SDK1: variants seen among roughly 807,000 people sequenced by gnomAD.
SDK1 encodes sidekick cell adhesion molecule 1.
A neutral mutation model predicts 245.5 loss-of-function variants in SDK1; 157 were observed. The ratio of observed to expected loss-of-function variants is 0.64; its 90% CI spans 0.56 to 0.73. The LOEUF is 0.73. SDK1 is among the 30% of genes least tolerant of loss of function. The pLI is 0.00. For missense variants in SDK1, 3,583 were observed against 3,002.3 expected, an observed-to-expected ratio of 1.19 and a Z score of -4.52; for synonymous variants, 1,647 against 1,278.5, an observed-to-expected ratio of 1.29 and a Z score of -6.15.
intron 4 of SDK1, among the ~76,000 whole-genome samples, chr7:3,662,254 A>G (rs1209768876): frequency 2.0e-5 from 3 of 152,158 alleles, no homozygotes; most frequent in Admixed American, 2.0e-4. Flanking sequence ...AAAAGTTGTA[A>G]CTAAGTTATG....
At chr7:3,303,575 G>A (rs1779338456) in intron 1 of SDK1, among the ~76,000 whole-genome samples, 1 of 57,952 alleles carries the variant, frequency 1.7e-5, no homozygotes, top group South Asian at 7.3e-4. Flanking sequence ...ACCGAACTTT[G>A]TTAGGAATAT....
chr7:4,008,225 CCTTT>C (rs1244555329), intron 14 of SDK1, among the ~76,000 whole-genome samples: 2 of 152,234 alleles, frequency 1.3e-5, no homozygotes, highest in Admixed American at 1.3e-4. Flanking sequence ...TAATTTCCTT[CCTTT>C]AAGAAGCTGA....
rs115525207 is a variant in SDK1, at chr7:4,228,239, G to A, written c.5828-5016G>A. On this transcript the variant is annotated intron_variant, in intron 40 of 44. Coordinates refer to ENST00000404826, the MANE Select transcript of SDK1 (RefSeq NM_152744.4). ...TCAGTGGCTTCCCACTTTCTTAGTG[G>A]TATTTCTCCAATGGCGTTTCAGTAA... Among the ~76,000 whole-genome samples the A allele has an allele frequency of 6.9e-3, 1,043 of 152,260 alleles. 10 individuals carry two copies. Among genetic ancestry groups the A allele is most frequent in the African/African-American group, 0.024 (988 of 41,546 alleles).
intron 5 of SDK1, among the ~76,000 whole-genome samples, chr7:3,834,605 G>A (rs6980085): frequency 0.31 from 47,858 of 152,074 alleles, 9,913 homozygotes; most frequent in African/African-American, 0.59. Flanking sequence ...CATAACCACC[G>A]TCCTTTCATT....
At chr7:3,390,189 G>T (rs1274004074) in intron 1 of SDK1, among the ~76,000 whole-genome samples, 1 of 152,158 alleles carries the variant, frequency 6.6e-6, no homozygotes, top group Admixed American at 6.5e-5. Flanking sequence ...ACTGTGGTCT[G>T]CAGCTTCAGC....
chr7:3,366,291 C>T (rs575058950), intron 1 of SDK1, among the ~76,000 whole-genome samples: 25 of 152,008 alleles, frequency 1.6e-4, no homozygotes, highest in African/African-American at 5.8e-4. Flanking sequence ...AAAGAAAGTA[C>T]TTGCTTTTTC....
intron 44 of SDK1, among the ~76,000 whole-genome samples, chr7:4,249,200 T>C (rs1156630407): frequency 1.3e-5 from 2 of 152,188 alleles, no homozygotes; most frequent in Non-Finnish European, 1.5e-5. Flanking sequence ...GTTATCATCC[T>C]TATGTAACAG....
intron 14 of SDK1, among the ~76,000 whole-genome samples, chr7:3,989,647 C>G (rs1337039558): frequency 6.6e-6 from 1 of 152,172 alleles, no homozygotes; most frequent in Non-Finnish European, 1.5e-5. Flanking sequence ...CCCTGAAACC[C>G]AGCTCCCCGT....
chr7:3,398,865 C>T (rs902291982), intron 1 of SDK1, among the ~76,000 whole-genome samples: 8 of 151,086 alleles, frequency 5.3e-5, no homozygotes, highest in Non-Finnish European at 1.0e-4. Context: ...CCTCTAGTAG[C>T]GCTCCTCCTA....
At chr7:3,818,719 A>G (rs948376491) in intron 4 of SDK1, among the ~76,000 whole-genome samples, 2 of 152,230 alleles carry the variant, frequency 1.3e-5, no homozygotes, top group African/African-American at 4.8e-5. Flanking sequence ...AGGCTGCTGG[A>G]TGGTTGGTTC....
At chr7:3,955,123 G>A (rs1364833497) in intron 7 of SDK1, among the ~76,000 whole-genome samples, 7 of 152,188 alleles carry the variant, frequency 4.6e-5, no homozygotes, top group African/African-American at 9.7e-5. Flanking sequence ...TGCTGAGCAC[G>A]ATGGCTCGGA....
chr7:4,015,801 C>T (rs971133395), intron 16 of SDK1, among the ~76,000 whole-genome samples: 1 of 152,214 alleles, frequency 6.6e-6, no homozygotes, highest in Non-Finnish European at 1.5e-5. Context: ...CAGAAGGAGG[C>T]CCGGTACCTT....
intron 25 of SDK1, among the ~76,000 whole-genome samples, chr7:4,121,098 G>GT (rs550593628): frequency 9.9e-5 from 15 of 151,208 alleles, no homozygotes; most frequent in East Asian, 1.9e-4. Context: ...TTCTGACTTT[G>GT]TTTTTTTTCA....
At chr7:3,411,319 T>C (rs1443217793) in intron 1 of SDK1, among the ~76,000 whole-genome samples, 5 of 152,172 alleles carry the variant, frequency 3.3e-5, no homozygotes, top group Non-Finnish European at 7.3e-5. Flanking sequence ...AAAAGGCAGT[T>C]GGAGTCACAT....
At position 4,268,454 on chromosome 7, in the gene SDK1, A is replaced by G. The variant is rs1056506702; in HGVS notation, c.*3070A>G. Reference sequence around the variant, plus strand: ...AGCCTCTCTCCCAGCCTGCTTTTATAAGGCGCACTTCACTCAATGCTGTAG... The same window carrying G: ...AGCCTCTCTCCCAGCCTGCTTTTATGAGGCGCACTTCACTCAATGCTGTAG... On this transcript the variant is annotated 3_prime_UTR_variant, in exon 45 of 45. Coordinates refer to ENST00000404826, the MANE Select transcript of SDK1 (RefSeq NM_152744.4). 2 of 1,131,158 alleles carry G rather than the reference A, an allele frequency of 1.8e-6. No homozygotes were observed. The highest frequency in any genetic ancestry group is 1.9e-5 in the South Asian group (1 of 53,602). 70.1% of individuals were successfully genotyped at this position (1,131,158 alleles called of 1,614,324 possible).
At chr7:3,526,925 T>C (rs1400195890) in intron 1 of SDK1, among the ~76,000 whole-genome samples, 2 of 152,204 alleles carry the variant, frequency 1.3e-5, no homozygotes, top group African/African-American at 4.8e-5. Flanking sequence ...AGACACTCTC[T>C]GCTTACCTTT....
At chr7:3,954,876 A>G (rs1393681475) in intron 7 of SDK1, among the ~76,000 whole-genome samples, 1 of 151,882 alleles carries the variant, frequency 6.6e-6, no homozygotes, top group African/African-American at 2.4e-5. Flanking sequence ...TGCACTCGCT[A>G]TTTACCAATA....
At chr7:4,074,167 C>G (rs185631785) in intron 20 of SDK1, among the ~76,000 whole-genome samples, 1 of 152,122 alleles carries the variant, frequency 6.6e-6, no homozygotes, top group Non-Finnish European at 1.5e-5. Flanking sequence ...ACGAAACGAG[C>G]TATTCTGCAG....
chr7:3,888,532 A>G (rs181405133), intron 5 of SDK1, among the ~76,000 whole-genome samples: 110 of 152,352 alleles, frequency 7.2e-4, no homozygotes, highest in African/African-American at 2.5e-3. Context: ...CTGCTGCTGT[A>G]TTTGTTGTTC....
Sources: gnomAD v4.1 joint callset for allele counts (sites outside exome capture counted in the v4.1 genomes callset) on GRCh38, gnomAD v4.1.1 for gene constraint, MANE v1.5 for transcripts, NCBI Gene and HGNC (gene_info 2026-07-23, HGNC 2026-07-21) for gene names.